ARL15: variants seen among roughly 807,000 people sequenced by gnomAD.
The protein encoded by ARL15 is ARF like GTPase 15, also known as ADP-ribosylation factor-like protein 15.
In ARL15, 19 loss-of-function variants were observed where a neutral mutation model predicts 25.2. That is an observed-to-expected ratio of 0.75 (90% CI 0.53 to 1.10). The LOEUF (loss-of-function observed/expected upper bound fraction) is 1.10, where lower values mean the gene tolerates loss of function less well. ARL15 is among the 50% of genes least tolerant of loss of function. ARL15 has a pLI of 0.00. For missense variants in ARL15, 220 were observed against 246.0 expected (o/e 0.89, Z 0.71); for synonymous variants, 94 against 86.8 (o/e 1.08, Z -0.46).
chr5:54,179,131 A>G (rs1467003892), intron 1 of ARL15, among the ~76,000 whole-genome samples: 1 of 152,176 alleles, frequency 6.6e-6, no homozygotes, highest in Admixed American at 6.5e-5. Flanking sequence ...CTGTTTTCCA[A>G]ACTTCTGCAA....
chr5:54,301,990 G>A (rs1038516881), intron 1 of ARL15, among the ~76,000 whole-genome samples: 2 of 152,334 alleles, frequency 1.3e-5, no homozygotes, highest in Admixed American at 6.5e-5. Flanking sequence ...TTGGCTCTAT[G>A]AGCCAAAGGG....
At chr5:54,054,651 G>A (rs1225159250) in intron 4 of ARL15, among the ~76,000 whole-genome samples, 3 of 152,128 alleles carry the variant, frequency 2.0e-5, no homozygotes, top group Non-Finnish European at 4.4e-5. Context: ...TTAGCCGGGC[G>A]TGGCAGCGTG....
At chr5:53,925,814 AAACCAAAATAAT>A (rs1561152227) in intron 4 of ARL15, among the ~76,000 whole-genome samples, 1 of 152,074 alleles carries the variant, frequency 6.6e-6, no homozygotes, top group African/African-American at 2.4e-5. Flanking sequence ...TCTTTAAAAA[AAACCAAAATAAT>A]AACAAAAAAA....
At chr5:53,964,991 T>A (rs1161607125) in intron 4 of ARL15, among the ~76,000 whole-genome samples, 1 of 152,236 alleles carries the variant, frequency 6.6e-6, no homozygotes, top group African/African-American at 2.4e-5. Flanking sequence ...TATTGATTGC[T>A]AAGATGCCTT....
chr5:54,214,486 A>C (rs1353299057), intron 1 of ARL15, among the ~76,000 whole-genome samples: 3 of 152,130 alleles, frequency 2.0e-5, no homozygotes, highest in South Asian at 2.1e-4. Context: ...CAGCATTTTC[A>C]TCAGCTCCCA....
At chr5:54,101,101 T>G (rs1752420524) in intron 4 of ARL15, among the ~76,000 whole-genome samples, 1 of 152,098 alleles carries the variant, frequency 6.6e-6, no homozygotes, top group Admixed American at 6.6e-5. Context: ...TCAACTACAA[T>G]TCTTTACAAA....
intron 4 of ARL15, among the ~76,000 whole-genome samples, chr5:54,011,015 A>C (rs1399761029): frequency 1.3e-5 from 2 of 151,986 alleles, no homozygotes; most frequent in Non-Finnish European, 2.9e-5. Context: ...AAAAAAAAAA[A>C]AATCAGCTCT....
intron 1 of ARL15, among the ~76,000 whole-genome samples, chr5:54,218,639 G>A (rs965506914): frequency 7.2e-5 from 11 of 152,114 alleles, no homozygotes; most frequent in African/African-American, 2.4e-4. Flanking sequence ...TGGGGAAGTC[G>A]TGGGGCACAC....
intron 4 of ARL15, among the ~76,000 whole-genome samples, chr5:53,993,902 T>C (rs904545968): frequency 2.2e-4 from 34 of 152,308 alleles, no homozygotes; most frequent in African/African-American, 8.2e-4. Context: ...AATCAGCAAG[T>C]CACAGAACCT....
rs559462221 is a variant in ARL15 at position 54,159,997 on chromosome 5, C to G, written c.194-5358G>C. Among the ~76,000 whole-genome samples the G allele has an allele frequency of 4.6e-5, 7 of 152,350 alleles. No homozygotes were observed. The East Asian group carries it at 1.4e-3, about 29-fold the overall frequency. ...CTACAGACTAAACCCTCCTCCCCTT[C>G]CCTCAAGTCTGAGTGCACGCACACA... On this transcript the variant is annotated intron_variant, in intron 2 of 4. Transcript: ENST00000504924.
chr5:53,950,053 G>A (rs1295996127), intron 4 of ARL15, among the ~76,000 whole-genome samples: 1 of 152,148 alleles, frequency 6.6e-6, no homozygotes, highest in African/African-American at 2.4e-5. Context: ...AAACAAATAA[G>A]TAAAACCATA....
intron 2 of ARL15, among the ~76,000 whole-genome samples, chr5:54,166,585 G>T (rs1754575270): frequency 6.6e-6 from 1 of 152,002 alleles, no homozygotes; most frequent in South Asian, 2.1e-4. Context: ...CAATGTTTCA[G>T]CCATTATTTC....
intron 3 of ARL15, among the ~76,000 whole-genome samples, chr5:54,128,680 T>C (rs1346604094): frequency 6.6e-6 from 1 of 151,226 alleles, no homozygotes; most frequent in African/African-American, 2.4e-5. Context: ...GCAACACAAG[T>C]ATTTCCTATA....
At chr5:54,198,637 A>AG in intron 1 of ARL15, among the ~76,000 whole-genome samples, 1 of 150,202 alleles carries the variant, frequency 6.7e-6, no homozygotes, top group African/African-American at 2.5e-5. Flanking sequence ...CTGCTCAATG[A>AG]AATAAAAGAG....
chr5:53,985,557 A>G (rs1748268036), intron 4 of ARL15, among the ~76,000 whole-genome samples: 1 of 152,168 alleles, frequency 6.6e-6, no homozygotes, highest in African/African-American at 2.4e-5. Flanking sequence ...GAGAATCACA[A>G]GGTATTTCTC....
chr5:53,930,973 T>C (rs996246827), intron 4 of ARL15, among the ~76,000 whole-genome samples: 2 of 152,172 alleles, frequency 1.3e-5, no homozygotes, highest in Non-Finnish European at 1.5e-5. Context: ...TAAGAATACA[T>C]GATAATGTTC....
At chr5:54,057,910 A>G (rs1203073468) in intron 4 of ARL15, among the ~76,000 whole-genome samples, 1 of 152,140 alleles carries the variant, frequency 6.6e-6, no homozygotes, top group Non-Finnish European at 1.5e-5. Context: ...CAATAATTTG[A>G]TAATATATGA....
chr5:54,220,917 CAT>C (rs1280471361), intron 1 of ARL15, among the ~76,000 whole-genome samples: 2 of 152,016 alleles, frequency 1.3e-5, no homozygotes, highest in African/African-American at 4.8e-5. Flanking sequence ...AATCAGTAGA[CAT>C]GTGTCTTTTT....
rs1352142130 is a variant in ARL15, at chr5:54,183,199, G to A, written c.49-11271C>T. Reference sequence around the variant, plus strand: ...TTCCAACACTATGTTGAATAGGAGCGGTGAGAGAGGGTATCCCTGTCTTGT... The same window carrying A: ...TTCCAACACTATGTTGAATAGGAGCAGTGAGAGAGGGTATCCCTGTCTTGT... On this transcript the variant is annotated intron_variant, in intron 1 of 4. Coordinates refer to ENST00000504924, the MANE Select transcript of ARL15 (RefSeq NM_019087.3). Among the ~76,000 whole-genome samples the A allele has an allele frequency of 5.9e-5, 5 of 84,126 alleles. 1 individual carries two copies. Among genetic ancestry groups the A allele is most frequent in the Non-Finnish European group, 1.3e-4 (5 of 39,784 alleles). The allele number at this position is 84,126 out of a possible 152,430, so 55.2% of individuals were successfully genotyped here. A position where few individuals can be genotyped will look rare whatever the true frequency, so the allele number is the denominator to read the frequency against.
Sources: allele counts gnomAD v4.1 joint callset (sites outside exome capture counted in the v4.1 genomes callset), GRCh38; gene constraint gnomAD v4.1.1; transcripts MANE v1.5; gene names NCBI Gene and HGNC (gene_info 2026-07-23, HGNC 2026-07-21).